NKD2: variants seen among roughly 807,000 people sequenced by gnomAD.
The protein encoded by NKD2 is NKD inhibitor of Wnt signaling pathway 2, also known as protein naked cuticle homolog 2.
NKD2 carries 43 observed loss-of-function variants against 34.8 expected under a neutral mutation model. That is an observed-to-expected ratio of 1.24 (90% CI 0.97 to 1.60). The LOEUF is 1.60. NKD2 is among the 40% of genes most tolerant of loss of function. The pLI is 0.00. For missense variants in NKD2, 675 were observed against 627.1 expected (o/e 1.08, Z -0.82); for synonymous variants, 278 against 265.1 (o/e 1.05, Z -0.47).
Position 1,009,421 on chromosome 5 carries a change from A to T in NKD2, c.62-60A>T. ...CGAAGGCGCAGCGCCCGCGGGGCTCACGGCGCGTCTCTTTCCCTCCTCGGT... is the reference window on the plus strand; with the variant it reads ...CGAAGGCGCAGCGCCCGCGGGGCTCTCGGCGCGTCTCTTTCCCTCCTCGGT... On this transcript the variant is annotated intron_variant, in intron 2 of 9. Transcript: ENST00000296849. This position sits in a 1 kb window ranked among gnomAD's most constrained non-coding sequence, Gnocchi z 6.9. 1 of 1,397,356 alleles carries T rather than the reference A, an allele frequency of 7.2e-7. No homozygotes were observed. Among genetic ancestry groups the T allele is most frequent in the Admixed American group, 2.3e-5 (1 of 44,176 alleles). The allele number at this position is 1,397,356 out of a possible 1,614,324, so 86.6% of individuals were successfully genotyped here.
intron 3 of NKD2, among the ~76,000 whole-genome samples, chr5:1,010,408 G>A (rs531894286): frequency 1.3e-5 from 2 of 152,202 alleles, no homozygotes; most frequent in African/African-American, 4.8e-5. Flanking sequence ...GCCGGGTCAC[G>A]CAATCAGTTT....
intron 3 of NKD2, among the ~76,000 whole-genome samples, chr5:1,016,992 G>T (rs546025610): frequency 6.6e-6 from 1 of 150,584 alleles, no homozygotes; most frequent in South Asian, 2.1e-4. Context: ...TAACAGAGCC[G>T]ACCCCATCCT....
At chr5:1,029,604 T>C (rs1218227594) in intron 3 of NKD2, among the ~76,000 whole-genome samples, 2 of 152,174 alleles carry the variant, frequency 1.3e-5, no homozygotes, top group Non-Finnish European at 2.9e-5. Flanking sequence ...TGCGTTTACA[T>C]TTTCACTGTA....
intron 3 of NKD2, among the ~76,000 whole-genome samples, chr5:1,027,071 C>T (rs763612062): frequency 1.4e-4 from 22 of 152,368 alleles, no homozygotes; most frequent in East Asian, 9.6e-4. Flanking sequence ...GCTGTCACCC[C>T]GGCCCTTCTT....
At chr5:1,012,322 C>T (rs565924542) in intron 3 of NKD2, among the ~76,000 whole-genome samples, 6 of 152,358 alleles carry the variant, frequency 3.9e-5, no homozygotes, top group African/African-American at 1.4e-4. Context: ...CGTGACAGAC[C>T]AGCCAGTGCG....
rs1358213827 is a variant in NKD2 at position 1,036,499 on chromosome 5, CCCAACCCCCCCCACCCCA to C, written c.787+118_787+135del. On this transcript the variant is annotated intron_variant, in intron 9 of 9. Coordinates refer to ENST00000296849, the MANE Select transcript of NKD2 (RefSeq NM_033120.4). Reference sequence around the variant, plus strand: ...CCCTCCCTGCCCTGCCCCGCCCCCCCCCAACCCCCCCCACCCCACCCCACCCAGGACGGCACCCAGGTC... The same window carrying C: ...CCCTCCCTGCCCTGCCCCGCCCCCCCCCCCACCCAGGACGGCACCCAGGTC... 275 of 525,314 alleles carry C rather than the reference CCCAACCCCCCCCACCCCA, an allele frequency of 5.2e-4. 2 individuals are homozygous for C. In the African/African-American group the frequency reaches 0.013, roughly 26 times the overall value. 32.5% of individuals were successfully genotyped at this position (525,314 alleles called of 1,614,324 possible). A position where few individuals can be genotyped will look rare whatever the true frequency, so the allele number is the denominator to read the frequency against.
At chr5:1,035,694 GGGC>G in intron 8 of NKD2, 1 of 554,616 alleles carries the variant, frequency 1.8e-6, no homozygotes, top group Non-Finnish European at 3.2e-6. Context: ...GGGCTTTGAG[GGGC>G]AGCAGCCACA....
At position 1,032,198 on chromosome 5, in the gene NKD2, A is replaced by C; in HGVS notation, c.188A>C (p.Gln63Pro). Residue 63 changes from glutamine (Q) to proline (P), a missense_variant, in exon 4 of 10, where the codon CAG becomes CCG. Transcript: ENST00000296849. Reference sequence around the variant, plus strand: ...AAGGAGGGGCCTTTCCGGGAGGACCAGTGTCCCCTACAGGGTGAGTGCAGC... The same window carrying C: ...AAGGAGGGGCCTTTCCGGGAGGACCCGTGTCCCCTACAGGGTGAGTGCAGC... ...DPKEGPFRED[Q>P]CPLQVALPAE... is the part of the protein sequence containing the mutation. The C allele has an allele frequency of 6.2e-7, 1 of 1,610,036 alleles. No individual in the cohort carries two copies. Among genetic ancestry groups the C allele is most frequent in the East Asian group, 2.2e-5 (1 of 44,722 alleles).
rs1755676584 is a variant in NKD2 at position 1,009,729 on chromosome 5, G to C, written c.141+169G>C. Among the ~76,000 whole-genome samples the C allele has an allele frequency of 6.6e-6, 1 of 152,154 alleles. No individual in the cohort carries two copies. The highest frequency in any genetic ancestry group is 1.5e-5 in the Non-Finnish European group (1 of 68,020). On this transcript the variant is annotated intron_variant, in intron 3 of 9. Coordinates refer to ENST00000296849, the MANE Select transcript of NKD2 (RefSeq NM_033120.4). This position sits in a 1 kb window ranked among gnomAD's most constrained non-coding sequence, Gnocchi z 6.9. ...CCAGTCTCTCCCCAGCCTCCACGAC[G>C]TCTGGGGCTCCCGTGGGGCGAGCCC...
rs371556843 is a variant in NKD2 at position 1,032,325 on chromosome 5, C to G, written c.202+113C>G. On this transcript the variant is annotated intron_variant, in intron 4 of 9. Transcript: ENST00000296849. The stretch of plus-strand genomic sequence containing the variant: ...CCCCGTGTGCGGAGCGAGGGCACTT[C>G]CCAGGCTTAGACGCACTTTGTTCTT... 144 of 816,908 alleles carry G rather than the reference C, an allele frequency of 1.8e-4. No individual in the cohort carries two copies. The African/African-American group carries it at 2.1e-3, about 12-fold the overall frequency. 50.6% of individuals were successfully genotyped at this position (816,908 alleles called of 1,614,324 possible).
At chr5:1,015,222 C>CT (rs1755901307) in intron 3 of NKD2, among the ~76,000 whole-genome samples, 1 of 152,228 alleles carries the variant, frequency 6.6e-6, no homozygotes, top group Admixed American at 6.5e-5. Flanking sequence ...GCACAGTCAT[C>CT]TGAGCTGTCA....
rs1755646819 is a variant in NKD2 at position 1,009,180 on chromosome 5, C to T, written c.27C>T (p.Ala9=). Residue 9 remains alanine, a splice_region_variant and synonymous_variant, in exon 2 of 10, where the codon GCC becomes GCT. Coordinates refer to ENST00000296849, the MANE Select transcript of NKD2 (RefSeq NM_033120.4). The surrounding 1 kb of genome is among the most constrained non-coding windows in gnomAD (Gnocchi z 6.9). MGKLQSKH[A]AAARKRRESP... is the part of the protein sequence containing the mutation. ...TCCCCGCGTCCCGCCGTGCCGCAGC[C>T]GCCGCCGCCCGCAAGCGGAGAGAGA... 2 of 559,296 alleles carry T rather than the reference C, an allele frequency of 3.6e-6. No homozygotes were observed. The highest frequency in any genetic ancestry group is 3.0e-5 in the Admixed American group (1 of 33,764). The allele number at this position is 559,296 out of a possible 1,614,324, so 34.6% of individuals were successfully genotyped here. A position where few individuals can be genotyped will look rare whatever the true frequency, so the allele number is the denominator to read the frequency against.
Position 1,034,323 on chromosome 5 carries a change from C to T in NKD2, c.419C>T (p.Thr140Ile), listed in dbSNP as rs1348944862. Residue 140 changes from threonine (T) to isoleucine (I), a missense_variant, in exon 6 of 10, where the codon ACC (threonine) becomes ATC (isoleucine). Physicochemically the swap from Thr to Ile is moderately conservative, Grantham distance 89 (BLOSUM62 -1). Coordinates refer to ENST00000296849, the MANE Select transcript of NKD2 (RefSeq NM_033120.4). ...GACTTTGACAACTGCGGGAAGGTCA[C>T]CAGGGAGGTAGGTGAGCTTGTGTTT... Reference protein sequence around the residue: ...LYDFDNCGKVTREDMSSLMHT... With the variant: ...LYDFDNCGKVIREDMSSLMHT... 2 of 1,611,954 alleles carry T rather than the reference C, an allele frequency of 1.2e-6. No individual in the cohort carries two copies. The highest frequency in any genetic ancestry group is 1.7e-6 in the Non-Finnish European group (2 of 1,179,218).
intron 3 of NKD2, among the ~76,000 whole-genome samples, chr5:1,021,562 A>G (rs76118124): frequency 0.073 from 11,050 of 151,716 alleles, 546 homozygotes; most frequent in Non-Finnish European, 0.11. Context: ...CCAGCTGCAC[A>G]TGTGTCGGAA....
At position 1,008,824 on chromosome 5, in the gene NKD2, C is replaced by A; in HGVS notation, c.-234C>A. ...CTCAGAGGGAGCCGGGCCGCCGTCGCTGCCGCCGCTGTCCCCGCGCCCTGC... is the reference window on the plus strand; with the variant it reads ...CTCAGAGGGAGCCGGGCCGCCGTCGATGCCGCCGCTGTCCCCGCGCCCTGC... On this transcript the variant is annotated 5_prime_UTR_variant, in exon 1 of 10. The change creates a new upstream start codon in the 5' untranslated region. Transcript: ENST00000296849. The A allele has an allele frequency of 3.8e-6, 1 of 265,128 alleles. No individual in the cohort carries two copies. Among genetic ancestry groups the A allele is most frequent in the Non-Finnish European group, 7.0e-6 (1 of 142,536 alleles). 16.4% of individuals were successfully genotyped at this position (265,128 alleles called of 1,614,324 possible).
chr5:1,009,709 C>T lies in NKD2; in HGVS notation c.141+149C>T, dbSNP rs542549015. 1.6e-6 allele frequency: 1 copy of T among 621,358 alleles called. No individual in the cohort carries two copies. Among genetic ancestry groups the T allele is most frequent in the South Asian group, 2.6e-5 (1 of 38,514 alleles). 38.5% of individuals were successfully genotyped at this position (621,358 alleles called of 1,614,324 possible). ...GTGACCGGGGGCCAGGAGAGCCAGT[C>T]TCTCCCCAGCCTCCACGACGTCTGG... is the stretch of plus-strand genomic sequence containing the variant. On this transcript the variant is annotated intron_variant, in intron 3 of 9. Coordinates refer to ENST00000296849, the MANE Select transcript of NKD2 (RefSeq NM_033120.4). This position sits in a 1 kb window ranked among gnomAD's most constrained non-coding sequence, Gnocchi z 6.9.
intron 3 of NKD2, among the ~76,000 whole-genome samples, chr5:1,015,483 C>T (rs1186909833): frequency 6.6e-6 from 1 of 152,222 alleles, no homozygotes; most frequent in East Asian, 1.9e-4. Flanking sequence ...TGCCAGATCA[C>T]TGGGTCCCTG....
chr5:1,030,014 G>GC (rs1318462880), intron 3 of NKD2, among the ~76,000 whole-genome samples: 3 of 146,808 alleles, frequency 2.0e-5, no homozygotes, highest in East Asian at 2.0e-4. Flanking sequence ...GGATTGTGGT[G>GC]CGGGGGGGGG....
rs762741035 is a variant in NKD2 at position 1,034,837 on chromosome 5, C to T, written c.508C>T (p.Arg170Cys). The stretch of plus-strand genomic sequence containing the variant: ...CTCCTCGGGCAGCAGCAAGACCCTC[C>T]GTGTGAAGCTAACCGTCAGCCCTGA... ...NHSSGSSKTL[R>C]VKLTVSPEPS... The change falls in exon 7 of 10, where the codon CGT becomes TGT. Residue 170 changes from arginine (R) to cysteine (C), a missense_variant. By Grantham distance (180) the Arg-to-Cys change is radical. Coordinates refer to ENST00000296849, the MANE Select transcript of NKD2 (RefSeq NM_033120.4). 47 of 1,612,682 alleles carry T rather than the reference C, an allele frequency of 2.9e-5. No homozygotes were observed. The highest frequency in any genetic ancestry group is 2.7e-4 in the Admixed American group (16 of 60,004).
Sources: allele counts gnomAD v4.1 joint callset (sites outside exome capture counted in the v4.1 genomes callset), GRCh38; gene constraint gnomAD v4.1.1; non-coding constraint Gnocchi (gnomAD v3.1); transcripts MANE v1.5; gene names NCBI Gene and HGNC (gene_info 2026-07-23, HGNC 2026-07-21).